TM4SF5: variants seen among roughly 807,000 people sequenced by gnomAD.
TM4SF5 encodes the protein transmembrane 4 L6 family member 5.
In TM4SF5, 16 loss-of-function variants were observed where a neutral mutation model predicts 22.3. That is an observed-to-expected ratio of 0.72 (90% CI 0.49 to 1.09). TM4SF5 has a LOEUF of 1.09. TM4SF5 is among the 50% of genes least tolerant of loss of function. TM4SF5 has a pLI of 0.00. For synonymous variants in TM4SF5, 113 were observed against 109.6 expected (o/e 1.03, Z -0.19); for missense variants, 249 against 266.1 (o/e 0.94, Z 0.45).
Position 4,783,168 on chromosome 17 carries a change from A to ACGCCTACCTGACT in TM4SF5, c.*43_*44insCTACCTGACTCGC. The stretch of plus-strand genomic sequence containing the variant: ...CCGGGTTACACCTGCTCCTTCCTGG[A>ACGCCTACCTGACT]CGCTCACTCCCTTGCTCGCTAGAAT... On this transcript the variant is annotated 3_prime_UTR_variant, in exon 5 of 5. Coordinates refer to ENST00000270560, the MANE Select transcript of TM4SF5 (RefSeq NM_003963.3). 1 of 1,612,626 alleles carries ACGCCTACCTGACT rather than the reference A, an allele frequency of 6.2e-7. No individual in the cohort carries two copies. Among genetic ancestry groups the ACGCCTACCTGACT allele is most frequent in the African/African-American group, 1.3e-5 (1 of 74,900 alleles).
At chr17:4,778,840 G>A (rs760691681) in intron 1 of TM4SF5, among the ~76,000 whole-genome samples, 64 of 151,698 alleles carry the variant, frequency 4.2e-4, no homozygotes, top group Admixed American at 1.1e-3. Flanking sequence ...GGCGGATCAC[G>A]AGGTCAGGAG....
rs1200416958 is a variant in TM4SF5, at chr17:4,780,819, G to A, written c.208G>A (p.Ala70Thr). 2 of 1,610,424 alleles carry A rather than the reference G, an allele frequency of 1.2e-6. No individual in the cohort carries two copies. Among genetic ancestry groups the A allele is most frequent in the Admixed American group, 1.7e-5 (1 of 59,536 alleles). ...GTGTCCGGGGATTGCAGCCGTTCGG[G>A]CAGGGGGCAAGGGCTGCTGTGGTGC... ...VLCPGIAAVR[A>T]GGKGCCGAGC... Residue 70 changes from alanine (A) to threonine (T), a missense_variant, in exon 2 of 5, where the codon GCA becomes ACA. Coordinates refer to ENST00000270560, the MANE Select transcript of TM4SF5 (RefSeq NM_003963.3).
At chr17:4,775,208 G>T (rs2040820867) in intron 1 of TM4SF5, among the ~76,000 whole-genome samples, 1 of 152,034 alleles carries the variant, frequency 6.6e-6, no homozygotes, top group African/African-American at 2.4e-5. Context: ...AAAAGCCACA[G>T]TGGAGTCATT....
intron 1 of TM4SF5, among the ~76,000 whole-genome samples, chr17:4,779,971 C>A (rs1304643477): frequency 1.3e-5 from 2 of 152,066 alleles, no homozygotes; most frequent in African/African-American, 2.4e-5. Flanking sequence ...CTACTGTAAT[C>A]CCAATTCACC....
chr17:4,775,301 C>T (rs1393506357), intron 1 of TM4SF5, among the ~76,000 whole-genome samples: 4 of 151,420 alleles, frequency 2.6e-5, no homozygotes, highest in African/African-American at 4.9e-5. Context: ...CTGTGTCGCC[C>T]GGGCTGCAGT....
In TM4SF5 at chr17:4,772,048, T is replaced by A; in HGVS notation, c.126T>A (p.His42Gln). The A allele has an allele frequency of 1.2e-6, 2 of 1,614,110 alleles. No individual in the cohort carries two copies. The highest frequency in any genetic ancestry group is 8.5e-7 in the Non-Finnish European group (1 of 1,180,026). ...NGETSWTNTN[H>Q]LSLQVWLMGG... Reference sequence around the variant, plus strand: ...AGACCTCCTGGACCAACACCAACCATCTCAGCTTGCAAGTCTGGCTCATGG... The same window carrying A: ...AGACCTCCTGGACCAACACCAACCAACTCAGCTTGCAAGTCTGGCTCATGG... The change falls in exon 1 of 5, where the codon CAT becomes CAA. Residue 42 changes from histidine (H) to glutamine (Q), a missense_variant. By Grantham distance (24) the His-to-Gln change is conservative. Transcript: ENST00000270560.
chr17:4,780,731 C>A, intron 1 of TM4SF5, 58 bp from the exon 2 acceptor site: 1 of 1,448,650 alleles, frequency 6.9e-7, no homozygotes, highest in Non-Finnish European at 9.5e-7. Context: ...GGCACTGATG[C>A]AAGTCAGGCC....
At chr17:4,780,580 C>A (rs1048122347) in intron 1 of TM4SF5, among the ~76,000 whole-genome samples, 5 of 152,084 alleles carry the variant, frequency 3.3e-5, no homozygotes, top group Admixed American at 6.6e-5. Context: ...CCTCTAGAGG[C>A]CACAATCTGG....
chr17:4,782,271 G>A (rs1917325132), intron 2 of TM4SF5, among the ~76,000 whole-genome samples: 1 of 151,844 alleles, frequency 6.6e-6, no homozygotes, highest in Admixed American at 6.6e-5. Context: ...TAAAGACAAG[G>A]TTTCTCCATG....
intron 1 of TM4SF5, among the ~76,000 whole-genome samples, chr17:4,776,273 CTGTT>C (rs145804643): frequency 4.5e-4 from 68 of 151,762 alleles, no homozygotes; most frequent in Admixed American, 3.6e-3. Flanking sequence ...ATACATTCTA[CTGTT>C]TGTTTGTTTG....
intron 1 of TM4SF5, among the ~76,000 whole-genome samples, chr17:4,775,384 G>A (rs568545926): frequency 1.3e-5 from 2 of 150,826 alleles, no homozygotes; most frequent in African/African-American, 2.4e-5. Flanking sequence ...TCAGCCTCCC[G>A]AGTAGCTGGG....
At chr17:4,782,415 T>C in intron 2 of TM4SF5, 88 bp from the exon 3 acceptor site, 2 of 1,518,904 alleles carry the variant, frequency 1.3e-6, no homozygotes, top group Non-Finnish European at 1.8e-6. Context: ...CTGGAGCAGA[T>C]TTCGATAATG....
intron 2 of TM4SF5, among the ~76,000 whole-genome samples, chr17:4,782,078 G>C (rs1917319816): frequency 7.0e-6 from 1 of 142,482 alleles, no homozygotes; most frequent in Non-Finnish European, 1.5e-5. Flanking sequence ...CAGAAACAGA[G>C]TCCGAATTTC....
Position 4,774,919 on chromosome 17 carries a change from A to C in TM4SF5, c.177+2820A>C, listed in dbSNP as rs146902731. On this transcript the variant is annotated intron_variant, in intron 1 of 4. Transcript: ENST00000270560. The stretch of plus-strand genomic sequence containing the variant: ...TGAAACTCTGTCTCAAAAGTAAAAA[A>C]TAAAAATAAAATGAAATGGTGCTGG... Among the ~76,000 whole-genome samples, 253 of 152,342 alleles carry C rather than the reference A, an allele frequency of 1.7e-3. 4 individuals are homozygous for C. In the East Asian group the frequency reaches 0.019, roughly 11 times the overall value.
intron 3 of TM4SF5, 21 bp downstream of exon 3, chr17:4,782,660 G>C (rs75639090): frequency 1.2e-6 from 2 of 1,613,484 alleles, no homozygotes; most frequent in African/African-American, 2.7e-5. Flanking sequence ...GCCTGTATTC[G>C]TGTCCTCCAT....
At position 4,772,003 on chromosome 17, in the gene TM4SF5, C is replaced by T. The variant is rs759980672; in HGVS notation, c.81C>T (p.Leu27=). Residue 27 remains leucine, a synonymous_variant, in exon 1 of 5, where the codon CTC becomes CTT. Coordinates refer to ENST00000270560, the MANE Select transcript of TM4SF5 (RefSeq NM_003963.3). ...TCGTCTGCATTGTGGCCAACGCCCTCCTGCTGGTACCTAATGGGGAGACCT... is the reference window on the plus strand; with the variant it reads ...TCGTCTGCATTGTGGCCAACGCCCTTCTGCTGGTACCTAATGGGGAGACCT... ...LCLVCIVANA[L]LLVPNGETSW... is the part of the protein sequence containing the mutation. 5.3e-5 allele frequency: 85 copies of T among 1,614,078 alleles called. No homozygotes were observed. The highest frequency in any genetic ancestry group is 6.6e-5 in the Non-Finnish European group (78 of 1,180,036).
Position 4,774,044 on chromosome 17 carries a change from C to T in TM4SF5, c.177+1945C>T, listed in dbSNP as rs530343000. On this transcript the variant is annotated intron_variant, in intron 1 of 4. Transcript: ENST00000270560. ...CAGCCTGGCCAACATGGTGAAACCCCGTCTCTACTTAAAGAAATATACAAA... is the reference window on the plus strand; with the variant it reads ...CAGCCTGGCCAACATGGTGAAACCCTGTCTCTACTTAAAGAAATATACAAA... Among the ~76,000 whole-genome samples the T allele has an allele frequency of 2.0e-5, 3 of 152,240 alleles. No homozygotes were observed. In the East Asian group the frequency reaches 5.8e-4, roughly 29 times the overall value.
chr17:4,776,968 G>A (rs542795481), intron 1 of TM4SF5, among the ~76,000 whole-genome samples: 2 of 152,162 alleles, frequency 1.3e-5, no homozygotes, highest in African/African-American at 2.4e-5. Flanking sequence ...TGGAGGCCGA[G>A]GCCAGCGGAT....
At chr17:4,773,198 C>G (rs952091317) in intron 1 of TM4SF5, among the ~76,000 whole-genome samples, 1 of 152,102 alleles carries the variant, frequency 6.6e-6, no homozygotes, top group Non-Finnish European at 1.5e-5. Context: ...AGCCACCGCC[C>G]CAGCTTACAT....
Sources: allele counts gnomAD v4.1 joint callset (sites outside exome capture counted in the v4.1 genomes callset), GRCh38; gene constraint gnomAD v4.1.1; transcripts MANE v1.5; gene names NCBI Gene and HGNC (gene_info 2026-07-23, HGNC 2026-07-21).